The following UBE4B variants were observed in gnomAD, a reference collection of about 807,000 sequenced individuals.
UBE4B encodes ubiquitination factor E4B.
Under a neutral mutation model 148.1 loss-of-function variants are expected in UBE4B, and 27 were observed. The observed-to-expected ratio is 0.18, with a 90% CI of 0.13 to 0.25. The LOEUF is 0.25. UBE4B is among the 10% of genes least tolerant of loss of function. The probability of loss-of-function intolerance (pLI) is 1.00; values close to 1 mark genes in which losing one functional copy is unlikely to be tolerated. For missense variants in UBE4B, 1,170 were observed against 1,662.4 expected (o/e 0.70, Z 5.15); for synonymous variants, 596 against 619.3 (o/e 0.96, Z 0.56).
At chr1:10,071,658 G>A (rs569032486) in intron 1 of UBE4B, among the ~76,000 whole-genome samples, 3 of 151,662 alleles carry the variant, frequency 2.0e-5, no homozygotes, top group Non-Finnish European at 4.4e-5. Flanking sequence ...AGATGGTAAG[G>A]GAACTAACAT....
intron 21 of UBE4B, among the ~76,000 whole-genome samples, chr1:10,155,973 T>C (rs1439939051): frequency 6.7e-6 from 1 of 149,450 alleles, no homozygotes; most frequent in East Asian, 2.0e-4. Flanking sequence ...GAGGTCGCAG[T>C]GAGCCAAGAT....
intron 1 of UBE4B, among the ~76,000 whole-genome samples, chr1:10,062,681 G>A (rs1409791043): frequency 6.6e-6 from 1 of 152,228 alleles, no homozygotes; most frequent in Non-Finnish European, 1.5e-5. Flanking sequence ...GTGAGGCCAG[G>A]TGCGGTGGCT....
At chr1:10,149,114 T>C in intron 19 of UBE4B, 70 bp from the exon 20 acceptor site, 1 of 1,089,600 alleles carries the variant, frequency 9.2e-7, no homozygotes, top group East Asian at 2.5e-5. Flanking sequence ...CCGATGGTAA[T>C]GTAATACTCC....
intron 2 of UBE4B, among the ~76,000 whole-genome samples, chr1:10,078,718 G>A (rs1644625258): frequency 6.6e-6 from 1 of 152,180 alleles, no homozygotes; most frequent in Admixed American, 6.5e-5. Flanking sequence ...TTGCTCAAGA[G>A]TCCCCCAACA....
intron 22 of UBE4B, among the ~76,000 whole-genome samples, chr1:10,160,054 G>A (rs937329905): frequency 2.0e-5 from 3 of 152,170 alleles, no homozygotes; most frequent in African/African-American, 4.8e-5. Context: ...TTACCACCCC[G>A]TAGTTGCACA....
rs759695845 is a variant in UBE4B, at chr1:10,103,104, G to C, written c.580+12G>C. On this transcript the variant is annotated intron_variant, in intron 5 of 27. Coordinates refer to ENST00000343090, the MANE Select transcript of UBE4B (RefSeq NM_001105562.3). ...GAACCCAAAAGAAGGTAGGAATCTAGCTCAGCAGTCTTACTGCAGAGTACT... is the reference window on the plus strand; with the variant it reads ...GAACCCAAAAGAAGGTAGGAATCTACCTCAGCAGTCTTACTGCAGAGTACT... 1 of 1,595,290 alleles carries C rather than the reference G, an allele frequency of 6.3e-7. No individual in the cohort carries two copies. Among genetic ancestry groups the C allele is most frequent in the South Asian group, 1.1e-5 (1 of 90,304 alleles).
intron 7 of UBE4B, among the ~76,000 whole-genome samples, chr1:10,113,483 C>T (rs1167417255): frequency 6.6e-6 from 1 of 152,224 alleles, no homozygotes; most frequent in Admixed American, 6.5e-5. Flanking sequence ...CCTTTCCTTG[C>T]ATTGCCTGGC....
intron 1 of UBE4B, among the ~76,000 whole-genome samples, chr1:10,055,802 C>G (rs1309050851): frequency 1.3e-5 from 2 of 152,118 alleles, no homozygotes; most frequent in Admixed American, 1.3e-4. Context: ...TGCCCGTAGT[C>G]CCAGCTACTT....
chr1:10,140,056 A>T (rs1645761377), intron 17 of UBE4B, among the ~76,000 whole-genome samples: 1 of 152,076 alleles, frequency 6.6e-6, no homozygotes, highest in Non-Finnish European at 1.5e-5. Flanking sequence ...CTTGAGATGG[A>T]TATTTAGATC....
chr1:10,100,045 A>G (rs1644984518), intron 3 of UBE4B, among the ~76,000 whole-genome samples: 1 of 151,798 alleles, frequency 6.6e-6, no homozygotes, highest in African/African-American at 2.4e-5. Context: ...GCTGGAGTGC[A>G]GTGGCGCAGT....
rs538678095 is a variant in UBE4B at position 10,143,055 on chromosome 1, C to T, written c.2364-1885C>T. ...CCCAGGAGGTAGAGGTTGCAATGAG[C>T]TGAGATCGTGCCACTGCACTCCAGG... On this transcript the variant is annotated intron_variant, in intron 17 of 27. Transcript: ENST00000343090. 2.6e-5 allele frequency among the ~76,000 whole-genome samples: 4 copies of T among 152,292 alleles called. No homozygotes were observed. In the South Asian group the frequency reaches 8.3e-4, roughly 32 times the overall value.
At chr1:10,092,720 C>T (rs999508859) in intron 2 of UBE4B, among the ~76,000 whole-genome samples, 5 of 151,814 alleles carry the variant, frequency 3.3e-5, no homozygotes, top group East Asian at 1.9e-4. Flanking sequence ...CCTAGCTACT[C>T]GGGAGGCTGA....
chr1:10,174,467 G>A (rs1299824865), intron 25 of UBE4B, among the ~76,000 whole-genome samples: 2 of 151,336 alleles, frequency 1.3e-5, no homozygotes, highest in Admixed American at 6.6e-5. Context: ...TTGGGGAGCC[G>A]AGGCGGGCAG....
At chr1:10,153,621 A>T (rs1323687546) in intron 21 of UBE4B, among the ~76,000 whole-genome samples, 1 of 151,906 alleles carries the variant, frequency 6.6e-6, no homozygotes, top group East Asian at 1.9e-4. Context: ...GGAGTTCGAG[A>T]CTAGCCTGAC....
At chr1:10,151,861 A>T (rs1349808847) in intron 21 of UBE4B, among the ~76,000 whole-genome samples, 1 of 151,850 alleles carries the variant, frequency 6.6e-6, no homozygotes, top group Non-Finnish European at 1.5e-5. Context: ...ATCTGAATGG[A>T]ATTATCTGGT....
At chr1:10,109,233 G>A (rs1215884264) in intron 7 of UBE4B, among the ~76,000 whole-genome samples, 1 of 152,076 alleles carries the variant, frequency 6.6e-6, no homozygotes, top group Non-Finnish European at 1.5e-5. Context: ...AGACAAGAGG[G>A]TCAAAATCAT....
intron 1 of UBE4B, among the ~76,000 whole-genome samples, chr1:10,044,831 C>T (rs1051024706): frequency 6.6e-6 from 1 of 152,142 alleles, no homozygotes. Flanking sequence ...AGTCCACCCA[C>T]CTCAGCCTCT....
intron 1 of UBE4B, among the ~76,000 whole-genome samples, chr1:10,043,981 G>A (rs1258897389): frequency 6.6e-6 from 1 of 152,142 alleles, no homozygotes; most frequent in Non-Finnish European, 1.5e-5. Flanking sequence ...GTGTCCATTT[G>A]CTGTTTCTAA....
chr1:10,159,945 G>C (rs1333234713), intron 22 of UBE4B, among the ~76,000 whole-genome samples: 1 of 152,206 alleles, frequency 6.6e-6, no homozygotes, highest in Admixed American at 6.5e-5. Flanking sequence ...GGCTTGGTCT[G>C]AATGGTGCTG....
Sources: allele counts gnomAD v4.1 joint callset (sites outside exome capture counted in the v4.1 genomes callset), GRCh38; gene constraint gnomAD v4.1.1; transcripts MANE v1.5; gene names NCBI Gene and HGNC (gene_info 2026-07-23, HGNC 2026-07-21).